Variants in ABCB5 observed in about 807,000 individuals in gnomAD.
ABCB5 encodes the protein ATP binding cassette subfamily B member 5.
ABCB5 carries 155 observed loss-of-function variants against 144.2 expected under a neutral mutation model. The observed-to-expected ratio is 1.08, with a 90% confidence interval of 0.94 to 1.23. The LOEUF (loss-of-function observed/expected upper bound fraction) is 1.23, where lower values mean the gene tolerates loss of function less well. Ranked by LOEUF, ABCB5 falls within the 50% of genes most tolerant of loss-of-function variation. ABCB5 has a pLI of 0.00. For missense variants in ABCB5, 1,830 were observed against 1,520.8 expected (o/e 1.20, Z -3.38); for synonymous variants, 610 against 528.6 (o/e 1.15, Z -2.11).
chr7:20,646,842 A>G (rs762958741), intron 9 of ABCB5, among the ~76,000 whole-genome samples: 20 of 152,186 alleles, frequency 1.3e-4, no homozygotes, highest in Non-Finnish European at 2.2e-4. Context: ...TGAGGCATTC[A>G]TAATTAAGAC....
intron 13 of ABCB5, 175 bp downstream of exon 13, chr7:20,651,798 A>G (rs776939633): frequency 9.8e-6 from 6 of 614,386 alleles, no homozygotes; most frequent in Admixed American, 3.2e-5. Flanking sequence ...ATGAGGTCCA[A>G]CACAAATTTG....
At chr7:20,650,968 C>T (rs1480483279) in intron 12 of ABCB5, among the ~76,000 whole-genome samples, 1 of 152,128 alleles carries the variant, frequency 6.6e-6, no homozygotes, top group African/African-American at 2.4e-5. Flanking sequence ...GTGGAGAAGC[C>T]AGAGGTCACT....
rs1784395419 is a variant in ABCB5 at position 20,645,951 on chromosome 7, T to C, written c.804-10T>C. ...CCAGTGGCTACTAAGTTGTGTTCTG[T>C]TTTTGTAAGGTATACACAGAATCTC... is the stretch of plus-strand genomic sequence containing the variant. On this transcript the variant is annotated splice_polypyrimidine_tract_variant and intron_variant, in intron 8 of 27. Coordinates refer to ENST00000404938, the MANE Select transcript of ABCB5 (RefSeq NM_001163941.2). 5.0e-6 allele frequency: 8 copies of C among 1,612,672 alleles called. No individual in the cohort carries two copies. The highest frequency in any genetic ancestry group is 6.8e-6 in the Non-Finnish European group (8 of 1,179,456).
At chr7:20,722,069 A>G (rs1440344330) in intron 20 of ABCB5, among the ~76,000 whole-genome samples, 1 of 152,266 alleles carries the variant, frequency 6.6e-6, no homozygotes, top group Admixed American at 6.5e-5. Flanking sequence ...CTTTATAAAT[A>G]GGAAATAGTA....
Position 20,691,697 on chromosome 7 carries a change from G to T in ABCB5, c.2010+5861G>T, listed in dbSNP as rs557708443. Among the ~76,000 whole-genome samples, 24 of 152,096 alleles carry T rather than the reference G, an allele frequency of 1.6e-4. No individual in the cohort carries two copies. In the South Asian group the frequency reaches 4.8e-3, roughly 30 times the overall value. On this transcript the variant is annotated intron_variant, in intron 16 of 27. Transcript: ENST00000404938. ...AAGTGTTAAGAAAGATATTGCCTCA[G>T]AGGGGAAGATAATTAGTCCTAGACT...
chr7:20,646,287 TA>T, intron 9 of ABCB5, 149 bp downstream of exon 9: 1 of 761,608 alleles, frequency 1.3e-6, no homozygotes, highest in Non-Finnish European at 2.0e-6. Flanking sequence ...TATACACCTT[TA>T]AATTATAGTT....
chr7:20,668,149 C>A (rs1392808692), intron 14 of ABCB5, among the ~76,000 whole-genome samples: 1 of 138,588 alleles, frequency 7.2e-6, no homozygotes, highest in Non-Finnish European at 1.5e-5. Context: ...GCCACCCCGT[C>A]TGGGAAGTGA....
intron 26 of ABCB5, among the ~76,000 whole-genome samples, chr7:20,749,542 C>A (rs1782850894): frequency 6.6e-6 from 1 of 151,714 alleles, no homozygotes; most frequent in Non-Finnish European, 1.5e-5. Flanking sequence ...TCTATCCCAA[C>A]ATCCATGCAT....
chr7:20,624,165 G>C (rs572013753), intron 2 of ABCB5, among the ~76,000 whole-genome samples: 1 of 152,282 alleles, frequency 6.6e-6, no homozygotes, highest in Non-Finnish European at 1.5e-5. Flanking sequence ...TGGTGTAAGG[G>C]GATGCTGAGG....
chr7:20,634,463 G>A (rs1009678110), intron 5 of ABCB5, among the ~76,000 whole-genome samples: 1 of 152,022 alleles, frequency 6.6e-6, no homozygotes, highest in Non-Finnish European at 1.5e-5. Context: ...AGTTCTTTGA[G>A]AAATCTCTAT....
intron 5 of ABCB5, among the ~76,000 whole-genome samples, chr7:20,633,699 T>C (rs779832438): frequency 6.6e-6 from 1 of 152,154 alleles, no homozygotes; most frequent in Non-Finnish European, 1.5e-5. Flanking sequence ...TATAGCACTA[T>C]AGGACATTAG....
At chr7:20,669,057 G>A (rs1785355144) in intron 14 of ABCB5, among the ~76,000 whole-genome samples, 2 of 137,412 alleles carry the variant, frequency 1.5e-5, no homozygotes, top group Non-Finnish European at 3.1e-5. Flanking sequence ...ACTGGGAAGT[G>A]AGGAGCCCCT....
At chr7:20,674,300 C>G (rs1296213136) in intron 14 of ABCB5, among the ~76,000 whole-genome samples, 1 of 151,904 alleles carries the variant, frequency 6.6e-6, no homozygotes, top group Non-Finnish European at 1.5e-5. Flanking sequence ...GTAGCACAGT[C>G]CCACTACTGA....
Position 20,674,045 on chromosome 7 carries a change from C to T in ABCB5, c.1708-7460C>T, listed in dbSNP as rs143607020. Among the ~76,000 whole-genome samples the T allele has an allele frequency of 5.0e-4, 76 of 151,762 alleles. No homozygotes were observed. In the South Asian group the frequency reaches 0.012, roughly 25 times the overall value. On this transcript the variant is annotated intron_variant, in intron 14 of 27. Transcript: ENST00000404938. ...TAGTATAAAAGCATGAATTAGCATA[C>T]TTCCATTTCTCCCTTTTTGGCCTTT...
intron 16 of ABCB5, among the ~76,000 whole-genome samples, chr7:20,687,539 T>C (rs112377573): frequency 0.013 from 2,032 of 152,296 alleles, 40 homozygotes; most frequent in African/African-American, 0.045. Flanking sequence ...CTGAAAAACC[T>C]GGTTAGCCAA....
At chr7:20,653,532 A>G (rs1784671312) in intron 13 of ABCB5, among the ~76,000 whole-genome samples, 1 of 152,240 alleles carries the variant, frequency 6.6e-6, no homozygotes, top group Admixed American at 6.5e-5. Flanking sequence ...GATAAAACAT[A>G]TGAGGCCAAG....
In ABCB5 at chr7:20,626,551, T is replaced by C. The variant is rs778451850; in HGVS notation, c.54-6T>C. The C allele has an allele frequency of 6.2e-7, 1 of 1,603,968 alleles. No homozygotes were observed. Among genetic ancestry groups the C allele is most frequent in the Non-Finnish European group, 8.5e-7 (1 of 1,174,984 alleles). On this transcript the variant is annotated splice_region_variant and splice_polypyrimidine_tract_variant and intron_variant, in intron 2 of 27. Transcript: ENST00000404938. ...AACTGCTGCATTTTGAACTTTTATT[T>C]TCCAGAACTGCAGAAGAACAGCCAA... is the stretch of plus-strand genomic sequence containing the variant.
At chr7:20,677,572 T>C (rs930640139) in intron 14 of ABCB5, among the ~76,000 whole-genome samples, 2 of 151,988 alleles carry the variant, frequency 1.3e-5, no homozygotes, top group African/African-American at 2.4e-5. Flanking sequence ...CTACTAAAAA[T>C]ACAAAAATTA....
At chr7:20,639,423 C>T (rs1784239415) in intron 5 of ABCB5, among the ~76,000 whole-genome samples, 1 of 152,058 alleles carries the variant, frequency 6.6e-6, no homozygotes, top group African/African-American at 2.4e-5. Context: ...TTTGCCTAAC[C>T]CAGGATGATG....
Sources: gnomAD v4.1 joint callset for allele counts (sites outside exome capture counted in the v4.1 genomes callset) on GRCh38, gnomAD v4.1.1 for gene constraint, MANE v1.5 for transcripts, NCBI Gene and HGNC (gene_info 2026-07-23, HGNC 2026-07-21) for gene names.